The following KLHDC10 variants were observed in gnomAD, a reference collection of about 807,000 sequenced individuals.
KLHDC10 encodes kelch domain containing 10, also known as kelch domain-containing protein 10.
KLHDC10 carries 24 observed loss-of-function variants against 56.1 expected under a neutral mutation model. The observed-to-expected ratio is 0.43, with a 90% CI of 0.31 to 0.60. The LOEUF is 0.60. KLHDC10 is among the 20% of genes least tolerant of loss of function. KLHDC10 has a pLI of 0.11. For missense variants in KLHDC10, 349 were observed against 567.0 expected (o/e 0.62, Z 3.91); for synonymous variants, 188 against 207.1 (o/e 0.91, Z 0.79).
At chr7:130,109,000 C>G (rs893748157) in intron 2 of KLHDC10, among the ~76,000 whole-genome samples, 2 of 152,058 alleles carry the variant, frequency 1.3e-5, no homozygotes, top group Non-Finnish European at 2.9e-5. Context: ...CTGCAGCCTC[C>G]GCCTCCGGGG....
Position 130,076,622 on chromosome 7 carries a change from A to G in KLHDC10, c.166+5813A>G, listed in dbSNP as rs1260801354. ...TTAAGTTAAATGCACTTACCCACACAAAATGTAAGTTAAATAAAGTGTCGA... is the reference window on the plus strand; with the variant it reads ...TTAAGTTAAATGCACTTACCCACACGAAATGTAAGTTAAATAAAGTGTCGA... On this transcript the variant is annotated intron_variant, in intron 1 of 9. Coordinates refer to ENST00000335420, the MANE Select transcript of KLHDC10 (RefSeq NM_014997.4). 2.6e-5 allele frequency among the ~76,000 whole-genome samples: 4 copies of G among 152,202 alleles called. No homozygotes were observed. In the East Asian group the frequency reaches 7.7e-4, roughly 29 times the overall value.
At chr7:130,083,874 T>C (rs976686663) in intron 1 of KLHDC10, among the ~76,000 whole-genome samples, 1 of 152,152 alleles carries the variant, frequency 6.6e-6, no homozygotes, top group Non-Finnish European at 1.5e-5. Context: ...GGGTGTCAGG[T>C]CTCGTTTTCT....
intron 2 of KLHDC10, among the ~76,000 whole-genome samples, chr7:130,102,209 G>C (rs1192140518): frequency 3.9e-5 from 6 of 152,134 alleles, no homozygotes; most frequent in Non-Finnish European, 7.4e-5. Flanking sequence ...AAGCCTGTCT[G>C]TCAGTGTGCC....
chr7:130,104,457 C>A (rs1367748442), intron 2 of KLHDC10, among the ~76,000 whole-genome samples: 1 of 152,130 alleles, frequency 6.6e-6, no homozygotes, highest in African/African-American at 2.4e-5. Flanking sequence ...AGTCAGGATC[C>A]TTACTGCAAG....
intron 1 of KLHDC10, among the ~76,000 whole-genome samples, chr7:130,095,991 G>A (rs1002569893): frequency 6.6e-6 from 1 of 152,146 alleles, no homozygotes; most frequent in Admixed American, 6.6e-5. Context: ...TTCCTTATGA[G>A]ACCATGGGCT....
At chr7:130,129,393 G>T in intron 8 of KLHDC10, 44 bp from the exon 9 acceptor site, 1 of 1,609,254 alleles carries the variant, frequency 6.2e-7, no homozygotes, top group African/African-American at 1.3e-5. Context: ...CATAGCTTTG[G>T]CTCTTTTCCT....
intron 1 of KLHDC10, among the ~76,000 whole-genome samples, chr7:130,079,086 C>G (rs1247273316): frequency 6.6e-6 from 1 of 151,586 alleles, no homozygotes; most frequent in Admixed American, 6.6e-5. Flanking sequence ...GAGGCAGAGT[C>G]TCACTCTGTT....
Position 130,134,284 on chromosome 7 carries a change from T to G in KLHDC10, c.*3538T>G, listed in dbSNP as rs1223781348. 1.3e-5 allele frequency: 2 copies of G among 152,228 alleles called. No individual in the cohort carries two copies. The highest frequency in any genetic ancestry group is 3.8e-4 in the East Asian group (2 of 5,202). 9.4% of individuals were successfully genotyped at this position (152,228 alleles called of 1,614,324 possible). On this transcript the variant is annotated 3_prime_UTR_variant, in exon 10 of 10. Transcript: ENST00000335420. ...ACCAGTGACCATATAAGCAGCTGAT[T>G]GCCTGTAATTAGTCAGGCTGAACAA... is the stretch of plus-strand genomic sequence containing the variant.
rs767225265 is a variant in KLHDC10 at position 130,116,686 on chromosome 7, A to G, written c.475+20A>G. ...TGTCACGTGAGTGCAAGCAGTTCGTAACTCCTGACTTTATGAAATGTCTGA... is the reference window on the plus strand; with the variant it reads ...TGTCACGTGAGTGCAAGCAGTTCGTGACTCCTGACTTTATGAAATGTCTGA... On this transcript the variant is annotated intron_variant, in intron 3 of 9. Transcript: ENST00000335420. The surrounding 1 kb of genome is among the most constrained non-coding windows in gnomAD (Gnocchi z 4.8). The G allele has an allele frequency of 2.5e-6, 4 of 1,576,154 alleles. No homozygotes were observed. In the South Asian group the frequency reaches 4.4e-5, roughly 17 times the overall value.
Position 130,119,168 on chromosome 7 carries a change from C to A in KLHDC10, c.476-1581C>A, listed in dbSNP as rs183041054. Reference sequence around the variant, plus strand: ...AGGCTGCAGTGAGCCATGTTCATGCCACTGCACTCCAGCTAGGCAAGACAG... The same window carrying A: ...AGGCTGCAGTGAGCCATGTTCATGCAACTGCACTCCAGCTAGGCAAGACAG... On this transcript the variant is annotated intron_variant, in intron 3 of 9. Coordinates refer to ENST00000335420, the MANE Select transcript of KLHDC10 (RefSeq NM_014997.4). 4.6e-5 allele frequency among the ~76,000 whole-genome samples: 7 copies of A among 150,580 alleles called. No individual in the cohort carries two copies. The East Asian group carries it at 1.2e-3, about 25-fold the overall frequency.
intron 1 of KLHDC10, among the ~76,000 whole-genome samples, chr7:130,084,493 G>C (rs1199415187): frequency 2.0e-5 from 3 of 152,172 alleles, no homozygotes; most frequent in Admixed American, 6.5e-5. Context: ...TGCTAACAAG[G>C]CTAGATGCGG....
intron 3 of KLHDC10, among the ~76,000 whole-genome samples, chr7:130,118,297 G>A (rs1212678175): frequency 1.3e-5 from 2 of 152,342 alleles, no homozygotes; most frequent in Admixed American, 1.3e-4. Context: ...GTACTTTTAT[G>A]TTATGGAGAT....
At chr7:130,103,817 T>TG in intron 2 of KLHDC10, among the ~76,000 whole-genome samples, 1 of 151,530 alleles carries the variant, frequency 6.6e-6, no homozygotes, top group East Asian at 1.9e-4. Flanking sequence ...AGGCCAGGAG[T>TG]GGTAGCTTAC....
chr7:130,094,093 T>C (rs1795816980), intron 1 of KLHDC10, among the ~76,000 whole-genome samples: 1 of 151,892 alleles, frequency 6.6e-6, no homozygotes, highest in Non-Finnish European at 1.5e-5. Flanking sequence ...CTGACTAATT[T>C]TTATATATTT....
chr7:130,091,591 A>G (rs1243206561), intron 1 of KLHDC10, among the ~76,000 whole-genome samples: 1 of 152,236 alleles, frequency 6.6e-6, no homozygotes, highest in Non-Finnish European at 1.5e-5. Context: ...TATCTATATT[A>G]GTCATTTTCT....
At chr7:130,079,177 C>A (rs1795563200) in intron 1 of KLHDC10, among the ~76,000 whole-genome samples, 1 of 151,876 alleles carries the variant, frequency 6.6e-6, no homozygotes, top group Admixed American at 6.6e-5. Context: ...CCTGGCTCAG[C>A]CTCCCGGGTA....
chr7:130,071,458 T>C (rs986587407), intron 1 of KLHDC10, among the ~76,000 whole-genome samples: 2 of 152,244 alleles, frequency 1.3e-5, no homozygotes, highest in African/African-American at 4.8e-5. Context: ...ATGCTGTGTT[T>C]ACAATATAAA....
rs35574079 is a variant in KLHDC10 at position 130,130,321 on chromosome 7, CA to C, written c.1120-202del. ...TGGGCGACAGAGTGAGACTCTGTCT[CA>C]AAAAAAAAAAAAATCATATATATAT... On this transcript the variant is annotated intron_variant, in intron 9 of 9. Transcript: ENST00000335420. The surrounding 1 kb of genome is among the most constrained non-coding windows in gnomAD (Gnocchi z 4.2). 0.29 allele frequency among the ~76,000 whole-genome samples: 31,144 copies of C among 107,402 alleles called. 3,496 individuals are homozygous for C. The highest frequency in any genetic ancestry group is 0.31 in the Non-Finnish European group (16,516 of 52,656). 70.5% of individuals were successfully genotyped at this position (107,402 alleles called of 152,430 possible). A position where few individuals can be genotyped will look rare whatever the true frequency, so the allele number is the denominator to read the frequency against.
chr7:130,104,827 T>C (rs1795987108), intron 2 of KLHDC10, among the ~76,000 whole-genome samples: 1 of 152,212 alleles, frequency 6.6e-6, no homozygotes, highest in African/African-American at 2.4e-5. Flanking sequence ...CAAGGAGGTA[T>C]GGTGCTAAAG....
Sources: allele counts gnomAD v4.1 joint callset (sites outside exome capture counted in the v4.1 genomes callset), GRCh38; gene constraint gnomAD v4.1.1; non-coding constraint Gnocchi (gnomAD v3.1); transcripts MANE v1.5; gene names NCBI Gene and HGNC (gene_info 2026-07-23, HGNC 2026-07-21).